ACTR10: variants seen among roughly 807,000 people sequenced by gnomAD.
The protein encoded by ACTR10 is actin-related protein 10.
ACTR10 carries 43 observed loss-of-function variants against 56.2 expected under a neutral mutation model. The observed-to-expected ratio is 0.77, with a 90% CI of 0.60 to 0.99. The LOEUF is 0.99. Among genes scored for constraint, ACTR10 ranks in the 50% least tolerant of loss-of-function variants. The pLI, the probability that ACTR10 is intolerant of heterozygous loss-of-function variation, is 0.00. For missense variants in ACTR10, 466 were observed against 507.8 expected (o/e 0.92, Z 0.79); for synonymous variants, 170 against 176.3 (o/e 0.96, Z 0.28).
chr14:58,220,084 TA>T (rs1889227539), intron 8 of ACTR10, among the ~76,000 whole-genome samples: 1 of 152,218 alleles, frequency 6.6e-6, no homozygotes, highest in African/African-American at 2.4e-5. Context: ...TACATTTTTC[TA>T]AGAACTTCCG....
At chr14:58,208,882 C>T in intron 3 of ACTR10, 117 bp from the exon 4 acceptor site, 1 of 643,386 alleles carries the variant, frequency 1.6e-6, no homozygotes, top group Admixed American at 2.8e-5. Context: ...ATGAAGATGT[C>T]TTTTTGTGAT....
intron 10 of ACTR10, among the ~76,000 whole-genome samples, chr14:58,224,702 C>A (rs570550735): frequency 6.6e-6 from 1 of 152,108 alleles, no homozygotes; most frequent in Non-Finnish European, 1.5e-5. Context: ...AAGGACCAGA[C>A]AGTAAATAGC....
intron 2 of ACTR10, chr14:58,207,207 AT>A: frequency 6.4e-6 from 1 of 155,060 alleles, no homozygotes. Context: ...CGCCTAGCTA[AT>A]TTTTGTATTT....
In ACTR10 at chr14:58,202,874, A is replaced by G. The variant is rs1348591231; in HGVS notation, c.97A>G (p.Thr33Ala). Reference protein sequence around the residue: ...AFTKCGFAGETGPRCIIPSVI... With the variant: ...AFTKCGFAGEAGPRCIIPSVI... ...TTGCAGGTGTGGATTTGCTGGAGAA[A>G]CTGGTCCAAGATGTATAATTCCTAG... The change falls in exon 2 of 13, where the codon ACT becomes GCT. Residue 33 changes from threonine to alanine, a missense_variant. Coordinates refer to ENST00000254286, the MANE Select transcript of ACTR10 (RefSeq NM_018477.3). 2 of 1,607,500 alleles carry G rather than the reference A, an allele frequency of 1.2e-6. No individual in the cohort carries two copies. The highest frequency in any genetic ancestry group is 3.4e-5 in the Admixed American group (2 of 59,228).
chr14:58,234,488 G>T lies in ACTR10; in HGVS notation c.1191G>T (p.Met397Ile). 1 of 1,613,726 alleles carries T rather than the reference G, an allele frequency of 6.2e-7. No homozygotes were observed. Among genetic ancestry groups the T allele is most frequent in the Non-Finnish European group, 8.5e-7 (1 of 1,179,782 alleles). ...WCSLNNPPLE[M>I]MFDVGKTQPP... ...CTCTCAATAACCCACCTTTGGAAAT[G>T]ATGTTTGATGTCGGGAAAACTCAAC... Residue 397 changes from methionine (M) to isoleucine (I), a missense_variant, in exon 13 of 13, where the codon ATG becomes ATT. Physicochemically the swap from Met to Ile is conservative, Grantham distance 10. Transcript: ENST00000254286.
rs187204452 is a variant in ACTR10 at position 58,205,251 on chromosome 14, A to C, written c.150+2324A>C. 8.6e-4 allele frequency among the ~76,000 whole-genome samples: 131 copies of C among 152,082 alleles called. 1 individual carries two copies. The highest frequency in any genetic ancestry group is 3.2e-3 in the Admixed American group (49 of 15,278). On this transcript the variant is annotated intron_variant, in intron 2 of 12. Transcript: ENST00000254286. ...AAAACAAAAACAAAAACAAAAAAAAACATGTTATAGCAGAATAGACGAGAC... is the reference window on the plus strand; with the variant it reads ...AAAACAAAAACAAAAACAAAAAAAACCATGTTATAGCAGAATAGACGAGAC...
chr14:58,209,721 A>G (rs890148553), intron 4 of ACTR10, among the ~76,000 whole-genome samples: 1 of 152,206 alleles, frequency 6.6e-6, no homozygotes, highest in Non-Finnish European at 1.5e-5. Context: ...TAAGATTAGT[A>G]TATTTCATAG....
At chr14:58,204,482 T>G (rs1000784681) in intron 2 of ACTR10, among the ~76,000 whole-genome samples, 1 of 151,850 alleles carries the variant, frequency 6.6e-6, no homozygotes, top group Non-Finnish European at 1.5e-5. Context: ...GCCCAGGAGG[T>G]TGAGGCTGCA....
chr14:58,212,601 A>G (rs965568737), intron 5 of ACTR10, among the ~76,000 whole-genome samples: 6 of 152,214 alleles, frequency 3.9e-5, no homozygotes, highest in Non-Finnish European at 8.8e-5. Context: ...TAAAACAACC[A>G]TGCAACATGA....
chr14:58,206,780 A>G (rs1888873995), intron 2 of ACTR10, among the ~76,000 whole-genome samples: 1 of 152,166 alleles, frequency 6.6e-6, no homozygotes, highest in Non-Finnish European at 1.5e-5. Flanking sequence ...TATCACACAT[A>G]TTTATGAACA....
chr14:58,211,958 C>T (rs982582307), intron 5 of ACTR10, among the ~76,000 whole-genome samples: 11 of 147,908 alleles, frequency 7.4e-5, no homozygotes, highest in Admixed American at 1.4e-4. Context: ...AAAAAGAATA[C>T]GTTTTTTCTT....
At chr14:58,230,563 A>G in intron 11 of ACTR10, 83 bp downstream of exon 11, 1 of 570,998 alleles carries the variant, frequency 1.8e-6, no homozygotes, top group East Asian at 3.3e-5. Flanking sequence ...GCAACTAGCA[A>G]TCCTTGTCAC....
At chr14:58,211,836 A>G (rs1290561097) in intron 5 of ACTR10, among the ~76,000 whole-genome samples, 1 of 152,026 alleles carries the variant, frequency 6.6e-6, no homozygotes, top group Non-Finnish European at 1.5e-5. Context: ...GCTACTCAGG[A>G]GGCTGAGACA....
chr14:58,231,096 C>A, intron 11 of ACTR10: 1 of 353,096 alleles, frequency 2.8e-6, no homozygotes, highest in Non-Finnish European at 5.9e-6. Flanking sequence ...TCTTGTTGCC[C>A]AGGCTGGAGT....
chr14:58,208,969 A>G, intron 3 of ACTR10, 30 bp from the exon 4 acceptor site: 1 of 1,469,228 alleles, frequency 6.8e-7, no homozygotes, highest in Non-Finnish European at 9.5e-7. Flanking sequence ...AAAAACTTTT[A>G]CTTTTAAAAC....
chr14:58,215,082 G>A, intron 6 of ACTR10, 123 bp from the exon 7 acceptor site: 1 of 558,594 alleles, frequency 1.8e-6, no homozygotes, highest in Non-Finnish European at 3.0e-6. Flanking sequence ...CTCCAGCCTG[G>A]GCAACAGAGT....
intron 7 of ACTR10, among the ~76,000 whole-genome samples, chr14:58,218,721 GATTT>G (rs1424869547): frequency 6.6e-6 from 1 of 151,852 alleles, no homozygotes; most frequent in African/African-American, 2.4e-5. Flanking sequence ...ATTAAATAAT[GATTT>G]ATTTTTCAGC....
chr14:58,223,376 GAT>G (rs1889323929), intron 8 of ACTR10: 1 of 405,282 alleles, frequency 2.5e-6, no homozygotes, highest in South Asian at 3.0e-5. Context: ...GACCTCAGGT[GAT>G]CCGCCTGCCT....
intron 12 of ACTR10, among the ~76,000 whole-genome samples, chr14:58,232,793 G>A (rs1390240196): frequency 2.6e-5 from 4 of 151,240 alleles, no homozygotes; most frequent in African/African-American, 4.9e-5. Context: ...TTAAGTAAAC[G>A]TTCTCATTTA....
Sources: allele counts gnomAD v4.1 joint callset (sites outside exome capture counted in the v4.1 genomes callset), GRCh38; gene constraint gnomAD v4.1.1; transcripts MANE v1.5; gene names NCBI Gene and HGNC (gene_info 2026-07-23, HGNC 2026-07-21).